The following CADM2 variants were observed in gnomAD, a reference collection of about 807,000 sequenced individuals.
CADM2 encodes the protein cell adhesion molecule 2.
A neutral mutation model predicts 49.8 loss-of-function variants in CADM2; 12 were observed. The ratio of observed to expected loss-of-function variants is 0.24; its 90% CI spans 0.15 to 0.39. The LOEUF (loss-of-function observed/expected upper bound fraction) is 0.39, where lower values mean the gene tolerates loss of function less well. Among genes scored for constraint, CADM2 ranks in the 10% least tolerant of loss-of-function variants. The probability of loss-of-function intolerance (pLI) is 1.00; values close to 1 mark genes in which losing one functional copy is unlikely to be tolerated. For synonymous variants in CADM2, 214 were observed against 175.4 expected (o/e 1.22, Z -1.74); for missense variants, 378 against 492.3 (o/e 0.77, Z 2.20).
intron 1 of CADM2, among the ~76,000 whole-genome samples, chr3:84,985,421 G>A (rs1483741882): frequency 6.6e-6 from 1 of 151,886 alleles, no homozygotes; most frequent in African/African-American, 2.4e-5. Flanking sequence ...TAATATTCAG[G>A]TAATATCACA....
chr3:85,097,165 A>G lies in CADM2; in HGVS notation c.61+137497A>G, dbSNP rs191019909. On this transcript the variant is annotated intron_variant, in intron 1 of 9. Transcript: ENST00000383699. The stretch of plus-strand genomic sequence containing the variant: ...CCCTTCCCCCTCCCCACACCCCACA[A>G]CAGTCTGCGGAGTGTGATGTTCCCT... 1.2e-4 allele frequency among the ~76,000 whole-genome samples: 18 copies of G among 152,218 alleles called. No homozygotes were observed. The East Asian group carries it at 3.3e-3, about 28-fold the overall frequency.
At chr3:85,332,669 G>T (rs949647539) in intron 1 of CADM2, among the ~76,000 whole-genome samples, 1 of 151,918 alleles carries the variant, frequency 6.6e-6, no homozygotes, top group African/African-American at 2.4e-5. Context: ...AAAATTCCAT[G>T]TAAAATATGT....
intron 1 of CADM2, among the ~76,000 whole-genome samples, chr3:85,316,336 T>C (rs2044463773): frequency 6.6e-6 from 1 of 152,192 alleles, no homozygotes; most frequent in African/African-American, 2.4e-5. Context: ...TAAGTTGAGT[T>C]GTGATTAAAT....
chr3:85,929,006 T>A (rs2108522082), intron 6 of CADM2, among the ~76,000 whole-genome samples: 1 of 151,392 alleles, frequency 6.6e-6, no homozygotes, highest in Middle Eastern at 3.4e-3. Flanking sequence ...ATTGCTAGTT[T>A]GCAAAAAATA....
At chr3:85,507,280 C>T (rs756421915) in intron 1 of CADM2, among the ~76,000 whole-genome samples, 23 of 151,602 alleles carry the variant, frequency 1.5e-4, no homozygotes, top group Non-Finnish European at 3.1e-4. Flanking sequence ...ACCTCCCTCC[C>T]ATGTTCAAAC....
intron 1 of CADM2, among the ~76,000 whole-genome samples, chr3:85,334,030 A>T (rs1206842044): frequency 6.6e-6 from 1 of 151,776 alleles, no homozygotes; most frequent in Non-Finnish European, 1.5e-5. Flanking sequence ...AATATAAATG[A>T]AATGAAATAA....
chr3:85,976,398 G>A (rs547998563), intron 8 of CADM2, among the ~76,000 whole-genome samples: 9 of 151,530 alleles, frequency 5.9e-5, no homozygotes, highest in Non-Finnish European at 8.9e-5. Context: ...TGGTCTTTCA[G>A]AGAATTTCAA....
At chr3:85,085,510 A>G (rs2037334177) in intron 1 of CADM2, among the ~76,000 whole-genome samples, 1 of 152,074 alleles carries the variant, frequency 6.6e-6, no homozygotes, top group Non-Finnish European at 1.5e-5. Flanking sequence ...TTCATCATTG[A>G]TGGACATTTC....
chr3:85,861,820 T>G (rs765286698), intron 3 of CADM2, among the ~76,000 whole-genome samples: 7 of 151,996 alleles, frequency 4.6e-5, no homozygotes, highest in Non-Finnish European at 1.0e-4. Flanking sequence ...TTTTTTATAA[T>G]TTATATTTCT....
chr3:85,119,304 G>A (rs2038761977), intron 1 of CADM2, among the ~76,000 whole-genome samples: 1 of 152,020 alleles, frequency 6.6e-6, no homozygotes, highest in African/African-American at 2.4e-5. Context: ...AGCTACCCCG[G>A]AGCCTGAGGT....
chr3:85,504,294 G>T (rs906265819), intron 1 of CADM2, among the ~76,000 whole-genome samples: 2 of 152,060 alleles, frequency 1.3e-5, no homozygotes, highest in Non-Finnish European at 2.9e-5. Flanking sequence ...GGTCTCGCTG[G>T]CTTCAGGAGT....
At chr3:85,280,339 T>G (rs2043470188) in intron 1 of CADM2, among the ~76,000 whole-genome samples, 1 of 151,520 alleles carries the variant, frequency 6.6e-6, no homozygotes, top group Admixed American at 6.6e-5. Context: ...TGTTTTTCCT[T>G]AACTTTTTTT....
chr3:85,975,626 A>G (rs1726681651), intron 8 of CADM2, among the ~76,000 whole-genome samples: 1 of 151,640 alleles, frequency 6.6e-6, no homozygotes, highest in Non-Finnish European at 1.5e-5. Context: ...CAAACTACAA[A>G]TATATAATAC....
At chr3:85,393,757 A>AT (rs149881384) in intron 1 of CADM2, among the ~76,000 whole-genome samples, 8 of 152,072 alleles carry the variant, frequency 5.3e-5, no homozygotes, top group African/African-American at 1.4e-4. Flanking sequence ...CTCCATTAAG[A>AT]TTTTTTTTAA....
At chr3:85,191,415 T>A (rs1394568236) in intron 1 of CADM2, among the ~76,000 whole-genome samples, 1 of 152,092 alleles carries the variant, frequency 6.6e-6, no homozygotes, top group Non-Finnish European at 1.5e-5. Flanking sequence ...AGAGAAATTT[T>A]TAAAGGTTTT....
At chr3:85,946,015 T>C (rs1331041594) in intron 7 of CADM2, among the ~76,000 whole-genome samples, 3 of 152,114 alleles carry the variant, frequency 2.0e-5, no homozygotes, top group Non-Finnish European at 4.4e-5. Flanking sequence ...GACATGATTG[T>C]ATATCTAGAA....
intron 8 of CADM2, among the ~76,000 whole-genome samples, chr3:85,987,369 TTC>T (rs2108687194): frequency 6.6e-6 from 1 of 151,910 alleles, no homozygotes; most frequent in African/African-American, 2.4e-5. Flanking sequence ...TAGCTTTCAT[TTC>T]TTTTAAATAA....
At chr3:85,447,312 A>G (rs1439630690) in intron 1 of CADM2, among the ~76,000 whole-genome samples, 1 of 152,036 alleles carries the variant, frequency 6.6e-6, no homozygotes, top group East Asian at 1.9e-4. Flanking sequence ...TGTCATTTAC[A>G]TTTTAGGTAT....
At chr3:85,356,410 A>C (rs2107260395) in intron 1 of CADM2, among the ~76,000 whole-genome samples, 1 of 152,254 alleles carries the variant, frequency 6.6e-6, no homozygotes, top group South Asian at 2.1e-4. Flanking sequence ...GCTGTTGCAC[A>C]GAATTCCAGG....
Sources: allele counts gnomAD v4.1 joint callset (sites outside exome capture counted in the v4.1 genomes callset), GRCh38; gene constraint gnomAD v4.1.1; transcripts MANE v1.5; gene names NCBI Gene and HGNC (gene_info 2026-07-23, HGNC 2026-07-21).